NOS1AP: variants seen among roughly 807,000 people sequenced by gnomAD.
NOS1AP encodes the protein nitric oxide synthase 1 adaptor protein.
In NOS1AP, 21 loss-of-function variants were observed where a neutral mutation model predicts 56.2. The observed-to-expected ratio is 0.37, with a 90% CI of 0.26 to 0.54. The LOEUF is 0.54. NOS1AP is among the 20% of genes least tolerant of loss of function. NOS1AP has a pLI of 0.84. For missense variants in NOS1AP, 522 were observed against 657.8 expected, an observed-to-expected ratio of 0.79 and a Z score of 2.26; for synonymous variants, 270 against 274.6, an observed-to-expected ratio of 0.98 and a Z score of 0.17.
chr1:162,248,187 C>A (rs1299687965), intron 2 of NOS1AP, among the ~76,000 whole-genome samples: 1 of 152,006 alleles, frequency 6.6e-6, no homozygotes, highest in Non-Finnish European at 1.5e-5. Context: ...CTAACAAACA[C>A]CATGGTGTTT....
Position 162,152,609 on chromosome 1 carries a change from A to G in NOS1AP, c.106-1796A>G, listed in dbSNP as rs138726094. Among the ~76,000 whole-genome samples, 29 of 152,366 alleles carry G rather than the reference A, an allele frequency of 1.9e-4. 1 individual carries two copies. Among genetic ancestry groups the G allele is most frequent in the African/African-American group, 6.0e-4 (25 of 41,582 alleles). ...GTTTTGTTTACCTCAGCAAGCTGCAAGGTTCTTCAATAGCTGTGTTGCTCC... is the reference window on the plus strand; with the variant it reads ...GTTTTGTTTACCTCAGCAAGCTGCAGGGTTCTTCAATAGCTGTGTTGCTCC... On this transcript the variant is annotated intron_variant, in intron 1 of 9. Transcript: ENST00000361897.
At chr1:162,286,720 A>T (rs992922663) in intron 2 of NOS1AP, among the ~76,000 whole-genome samples, 2 of 152,212 alleles carry the variant, frequency 1.3e-5, no homozygotes, top group African/African-American at 4.8e-5. Flanking sequence ...ATGTACAATT[A>T]TTTGTCAATT....
At chr1:162,166,983 A>C (rs1650531450) in intron 2 of NOS1AP, among the ~76,000 whole-genome samples, 1 of 152,120 alleles carries the variant, frequency 6.6e-6, no homozygotes, top group Non-Finnish European at 1.5e-5. Context: ...CCAGGTTGAA[A>C]ACTACTGAGC....
chr1:162,333,076 A>T lies in NOS1AP; in HGVS notation c.404A>T (p.Asp135Val), dbSNP rs1184029542. 1 of 1,613,832 alleles carries T rather than the reference A, an allele frequency of 6.2e-7. No homozygotes were observed. The highest frequency in any genetic ancestry group is 1.3e-5 in the African/African-American group (1 of 74,900). ...DLKIFSYIAR[D>V]GASNIFRCNV... Reference sequence around the variant, plus strand: ...AAGATCTTCAGCTATATCGCTCGAGATGGTGCCAGCAATATCTTCAGGTGT... The same window carrying T: ...AAGATCTTCAGCTATATCGCTCGAGTTGGTGCCAGCAATATCTTCAGGTGT... Residue 135 changes from aspartate (D) to valine (V), a missense_variant, in exon 5 of 10, where the codon GAT becomes GTT. Asp to Val is a radical substitution (Grantham distance 152). Around this residue, in one of 4 missense-constraint regions of NOS1AP, gnomAD observed 132 missense variants for 218.1 expected, o/e 0.61. Transcript: ENST00000361897.
intron 2 of NOS1AP, among the ~76,000 whole-genome samples, chr1:162,273,321 A>G (rs1239649615): frequency 6.0e-5 from 9 of 150,170 alleles, no homozygotes; most frequent in African/African-American, 2.2e-4. Context: ...CCGCCACCAC[A>G]CCCGGCTAAT....
chr1:162,357,093 T>C lies in NOS1AP; in HGVS notation c.896T>C (p.Leu299Pro), dbSNP rs1571242777. The C allele has an allele frequency of 6.2e-7, 1 of 1,611,152 alleles. No individual in the cohort carries two copies. ...CACCAGATGCAGCTCCTCCAGCAGC[T>C]CCTCCAGCAGCAGCAGCAGCAGACA... ...THHQMQLLQQ[L>P]LQQQQQQTQV... is the part of the protein sequence containing the mutation. Residue 299 changes from leucine (L) to proline (P), a missense_variant, in exon 8 of 10, where the codon CTC becomes CCC. This residue lies in a region of NOS1AP where 178 missense variants were observed against 165.0 expected (regional missense o/e 1.08). Coordinates refer to ENST00000361897, the MANE Select transcript of NOS1AP (RefSeq NM_014697.3).
intron 2 of NOS1AP, among the ~76,000 whole-genome samples, chr1:162,186,141 A>G (rs1651423826): frequency 6.6e-6 from 1 of 152,200 alleles, no homozygotes; most frequent in Non-Finnish European, 1.5e-5. Context: ...ATTCAGCACC[A>G]TTTATTTAAG....
chr1:162,284,669 A>G (rs1307929740), intron 2 of NOS1AP, among the ~76,000 whole-genome samples: 2 of 152,250 alleles, frequency 1.3e-5, no homozygotes, highest in East Asian at 1.9e-4. Context: ...TTCCAGTTCT[A>G]AAGAGAAAGT....
At chr1:162,299,434 T>C (rs755559459) in intron 3 of NOS1AP, among the ~76,000 whole-genome samples, 2 of 152,186 alleles carry the variant, frequency 1.3e-5, no homozygotes, top group African/African-American at 4.8e-5. Flanking sequence ...TAGTGAGGGA[T>C]GTTTACAAAA....
chr1:162,159,557 C>G (rs1650112470), intron 2 of NOS1AP, among the ~76,000 whole-genome samples: 1 of 152,060 alleles, frequency 6.6e-6, no homozygotes, highest in Non-Finnish European at 1.5e-5. Context: ...GCCTTTTTTT[C>G]AGGTTCCAGT....
At chr1:162,151,301 A>T (rs1205188592) in intron 1 of NOS1AP, among the ~76,000 whole-genome samples, 1 of 152,168 alleles carries the variant, frequency 6.6e-6, no homozygotes, top group Non-Finnish European at 1.5e-5. Flanking sequence ...CGGGTTCCCC[A>T]TTCTGTTCCA....
intron 2 of NOS1AP, among the ~76,000 whole-genome samples, chr1:162,256,004 T>A (rs1423942144): frequency 6.6e-6 from 1 of 151,960 alleles, no homozygotes; most frequent in African/African-American, 2.4e-5. Context: ...ATTAGCCAGG[T>A]GTGGTGGCAG....
At chr1:162,211,668 T>G (rs1046066804) in intron 2 of NOS1AP, among the ~76,000 whole-genome samples, 2 of 152,184 alleles carry the variant, frequency 1.3e-5, no homozygotes, top group Non-Finnish European at 2.9e-5. Flanking sequence ...TCCGAACTCT[T>G]TCTTTCCTTG....
intron 2 of NOS1AP, among the ~76,000 whole-genome samples, chr1:162,253,346 A>G (rs186932072): frequency 6.6e-6 from 1 of 152,298 alleles, no homozygotes; most frequent in African/African-American, 2.4e-5. Context: ...ATATCCTGTT[A>G]TAGGTGCAAA....
Position 162,130,016 on chromosome 1 carries a change from C to G in NOS1AP, c.106-24389C>G, listed in dbSNP as rs528070473. On this transcript the variant is annotated intron_variant, in intron 1 of 9. Transcript: ENST00000361897. ...TTGAGTGTCGAATATAAACCTTTCA[C>G]TAAGGGAGATGCTGTGCTAGACTTT... is the stretch of plus-strand genomic sequence containing the variant. Among the ~76,000 whole-genome samples the G allele has an allele frequency of 6.0e-4, 91 of 152,284 alleles. 1 individual carries two copies. The South Asian group carries it at 0.012, about 19-fold the overall frequency.
intron 2 of NOS1AP, among the ~76,000 whole-genome samples, chr1:162,239,715 G>A (rs1653421745): frequency 6.6e-6 from 1 of 152,142 alleles, no homozygotes; most frequent in Admixed American, 6.5e-5. Flanking sequence ...AAGACAGATG[G>A]GCTAACAGAG....
intron 2 of NOS1AP, among the ~76,000 whole-genome samples, chr1:162,237,768 G>A (rs147525492): frequency 6.7e-4 from 102 of 152,262 alleles, no homozygotes; most frequent in African/African-American, 2.2e-3. Flanking sequence ...CAGGCTTTGC[G>A]GGGACAGTGT....
At chr1:162,195,955 A>C (rs948300154) in intron 2 of NOS1AP, among the ~76,000 whole-genome samples, 5 of 152,232 alleles carry the variant, frequency 3.3e-5, no homozygotes, top group Non-Finnish European at 7.3e-5. Context: ...TTGGCTCTAA[A>C]TAAAAAGTAA....
At chr1:162,334,295 A>T (rs78622283) in intron 5 of NOS1AP, among the ~76,000 whole-genome samples, 10,539 of 152,304 alleles carry the variant, frequency 0.069, 544 homozygotes, top group South Asian at 0.15. Flanking sequence ...AAAGTGCTAC[A>T]ACTGGAAAGA....
Sources: gnomAD v4.1 joint callset for allele counts (sites outside exome capture counted in the v4.1 genomes callset) on GRCh38, gnomAD v4.1.1 for gene constraint, gnomAD v4.1.1 regional missense constraint, MANE v1.5 for transcripts, NCBI Gene and HGNC (gene_info 2026-07-23, HGNC 2026-07-21) for gene names.